CHSY3: variants seen among roughly 807,000 people sequenced by gnomAD.
The protein encoded by CHSY3 is N-acetylgalactosaminyl-proteoglycan 3-beta-glucuronosyltransferase 3.
A neutral mutation model predicts 67.2 loss-of-function variants in CHSY3; 35 were observed. That is an observed-to-expected ratio of 0.52 (90% CI 0.40 to 0.69). The LOEUF (loss-of-function observed/expected upper bound fraction) is 0.69, where lower values mean the gene tolerates loss of function less well. Among genes scored for constraint, CHSY3 ranks in the 30% least tolerant of loss-of-function variants. CHSY3 has a pLI of 0.00. For missense variants in CHSY3, 1,069 were observed against 1,138.5 expected, an observed-to-expected ratio of 0.94 and a Z score of 0.88; for synonymous variants, 474 against 434.7, an observed-to-expected ratio of 1.09 and a Z score of -1.12.
intron 1 of CHSY3, among the ~76,000 whole-genome samples, chr5:129,906,625 G>A (rs1024972956): frequency 6.6e-6 from 1 of 152,174 alleles, no homozygotes; most frequent in Non-Finnish European, 1.5e-5. Flanking sequence ...AGTTCTTTAG[G>A]TCAGAGAAGT....
chr5:130,027,526 G>T (rs888541309), intron 2 of CHSY3, among the ~76,000 whole-genome samples: 5 of 151,814 alleles, frequency 3.3e-5, no homozygotes, highest in Non-Finnish European at 7.4e-5. Context: ...CAACATGCAG[G>T]TTTGTTACAT....
At chr5:130,169,032 G>A (rs1769826188) in intron 2 of CHSY3, among the ~76,000 whole-genome samples, 1 of 152,074 alleles carries the variant, frequency 6.6e-6, no homozygotes, top group Admixed American at 6.6e-5. Flanking sequence ...CTGTTAGGGA[G>A]GATGGAATCA....
rs536630069 is a variant in CHSY3 at position 129,962,202 on chromosome 5, C to T, written c.1086+53842C>T. The stretch of plus-strand genomic sequence containing the variant: ...CAGACTCAACACTACTATGGCTGAA[C>T]GCATAACCTTCAGCATCAAGCCTTG... On this transcript the variant is annotated intron_variant, in intron 2 of 2. Coordinates refer to ENST00000305031, the MANE Select transcript of CHSY3 (RefSeq NM_175856.5). Among the ~76,000 whole-genome samples, 12 of 152,108 alleles carry T rather than the reference C, an allele frequency of 7.9e-5. No individual in the cohort carries two copies. In the East Asian group the frequency reaches 1.4e-3, roughly 17 times the overall value.
intron 2 of CHSY3, among the ~76,000 whole-genome samples, chr5:130,103,037 A>G (rs1351938108): frequency 6.6e-6 from 1 of 152,086 alleles, no homozygotes; most frequent in East Asian, 1.9e-4. Context: ...AGAAAAAAAA[A>G]TAGGACTACT....
At chr5:130,013,657 C>T (rs1419196022) in intron 2 of CHSY3, among the ~76,000 whole-genome samples, 1 of 152,170 alleles carries the variant, frequency 6.6e-6, no homozygotes, top group Non-Finnish European at 1.5e-5. Context: ...ATGCAGGGCA[C>T]CATGTCCTGA....
intron 2 of CHSY3, among the ~76,000 whole-genome samples, chr5:129,958,306 G>T (rs958005255): frequency 2.0e-5 from 3 of 152,036 alleles, no homozygotes; most frequent in African/African-American, 4.8e-5. Flanking sequence ...ATGCAGTGTG[G>T]ATTTCTTCTA....
At chr5:130,116,355 A>C (rs771948228) in intron 2 of CHSY3, among the ~76,000 whole-genome samples, 2 of 152,322 alleles carry the variant, frequency 1.3e-5, no homozygotes, top group Non-Finnish European at 1.5e-5. Context: ...CAGAGTAAGC[A>C]TGGTGCTTTT....
chr5:129,908,171 G>A lies in CHSY3; in HGVS notation c.897G>A (p.Lys299=). The change falls in exon 2 of 3, where the codon AAG becomes AAA. Residue 299 remains lysine, a synonymous_variant. Transcript: ENST00000305031. ...TGGGGAATATTGAAGAGCTTGGAAAGCTGGGACTGGAGCCTGGGGAAAACT... is the reference window on the plus strand; with the variant it reads ...TGGGGAATATTGAAGAGCTTGGAAAACTGGGACTGGAGCCTGGGGAAAACT... ...TGLGNIEELG[K]LGLEPGENFC... 6.2e-7 allele frequency: 1 copy of A among 1,614,228 alleles called. No homozygotes were observed. The highest frequency in any genetic ancestry group is 8.5e-7 in the Non-Finnish European group (1 of 1,180,048).
At chr5:130,001,037 C>G (rs991914520) in intron 2 of CHSY3, among the ~76,000 whole-genome samples, 28 of 151,670 alleles carry the variant, frequency 1.8e-4, no homozygotes, top group African/African-American at 6.5e-4. Flanking sequence ...TGGTGGCACA[C>G]GCCTGGTTAA....
At chr5:129,996,688 A>G (rs1295762869) in intron 2 of CHSY3, among the ~76,000 whole-genome samples, 7 of 152,110 alleles carry the variant, frequency 4.6e-5, no homozygotes, top group Admixed American at 4.6e-4. Flanking sequence ...GCTTCAAAGG[A>G]GATCTTATTA....
chr5:130,173,469 G>A (rs1365950394), intron 2 of CHSY3, among the ~76,000 whole-genome samples: 2 of 152,020 alleles, frequency 1.3e-5, no homozygotes, highest in Non-Finnish European at 2.9e-5. Flanking sequence ...TCTTAGTTTT[G>A]CAAGTACTCT....
At chr5:130,104,650 A>C (rs746680359) in intron 2 of CHSY3, among the ~76,000 whole-genome samples, 16 of 151,916 alleles carry the variant, frequency 1.1e-4, no homozygotes, top group Non-Finnish European at 1.6e-4. Flanking sequence ...AGGTGCTATT[A>C]CTGGCACTAA....
intron 2 of CHSY3, among the ~76,000 whole-genome samples, chr5:130,120,839 T>G (rs1767992073): frequency 6.6e-6 from 1 of 152,170 alleles, no homozygotes; most frequent in Non-Finnish European, 1.5e-5. Context: ...AGCTGGTGGT[T>G]GCACAGAGCA....
intron 2 of CHSY3, among the ~76,000 whole-genome samples, chr5:130,024,630 A>G (rs1481212287): frequency 1.3e-5 from 2 of 152,166 alleles, no homozygotes; most frequent in Non-Finnish European, 2.9e-5. Context: ...CATATTGACA[A>G]TATGGAGAGT....
Position 130,184,608 on chromosome 5 carries a change from G to A in CHSY3, c.1466G>A (p.Ser489Asn). ...ENQPPRQSLSSILRTALDDTV... is the reference protein window; with the variant it reads ...ENQPPRQSLSNILRTALDDTV... ...CAGCCCCCTCGACAGAGCCTCAGTA[G>A]CATTTTAAGAACAGCACTGGATGAT... Residue 489 changes from serine (S) to asparagine (N), a missense_variant, in exon 3 of 3, where the codon AGC (serine) becomes AAC (asparagine). Ser to Asn is a conservative substitution (Grantham distance 46). Around this residue, in one of 5 missense-constraint regions of CHSY3, gnomAD observed 401 missense variants for 395.2 expected, o/e 1.01. Transcript: ENST00000305031. The A allele has an allele frequency of 1.2e-6, 2 of 1,611,210 alleles. No individual in the cohort carries two copies. Among genetic ancestry groups the A allele is most frequent in the Non-Finnish European group, 1.7e-6 (2 of 1,177,334 alleles).
intron 2 of CHSY3, among the ~76,000 whole-genome samples, chr5:129,953,896 T>C (rs1762096519): frequency 6.6e-6 from 1 of 152,196 alleles, no homozygotes; most frequent in Admixed American, 6.5e-5. Context: ...GTCAGATGAA[T>C]AGATTGCAAA....
chr5:129,994,219 T>G (rs1763459920), intron 2 of CHSY3, among the ~76,000 whole-genome samples: 1 of 152,150 alleles, frequency 6.6e-6, no homozygotes, highest in Admixed American at 6.6e-5. Context: ...GGAGTGTCTT[T>G]GTGGTGTTCT....
intron 2 of CHSY3, among the ~76,000 whole-genome samples, chr5:129,919,068 C>T (rs1760829681): frequency 8.0e-6 from 1 of 125,350 alleles, no homozygotes; most frequent in Non-Finnish European, 1.6e-5. Flanking sequence ...GATTGCGCCA[C>T]TGCAGTCCGC....
intron 2 of CHSY3, among the ~76,000 whole-genome samples, chr5:130,006,808 A>T (rs1277934719): frequency 6.6e-6 from 1 of 152,210 alleles, no homozygotes; most frequent in African/African-American, 2.4e-5. Flanking sequence ...TCCTCTAAAA[A>T]ATTTATCTAA....
Sources: gnomAD v4.1 joint callset for allele counts (sites outside exome capture counted in the v4.1 genomes callset) on GRCh38, gnomAD v4.1.1 for gene constraint, gnomAD v4.1.1 regional missense constraint, MANE v1.5 for transcripts, NCBI Gene and HGNC (gene_info 2026-07-23, HGNC 2026-07-21) for gene names.